ESR2: variants seen among roughly 807,000 people sequenced by gnomAD.
ESR2 encodes the protein estrogen receptor 2.
ESR2 carries 36 observed loss-of-function variants against 49.6 expected under a neutral mutation model. The ratio of observed to expected loss-of-function variants is 0.73; its 90% CI spans 0.56 to 0.96. The LOEUF is 0.96. Among genes scored for constraint, ESR2 ranks in the 40% least tolerant of loss-of-function variants. The pLI is 0.00. For synonymous variants in ESR2, 320 were observed against 266.1 expected (o/e 1.20, Z -1.97); for missense variants, 714 against 693.0 (o/e 1.03, Z -0.34).
At chr14:64,272,706 A>G (rs1280754200) in intron 3 of ESR2, among the ~76,000 whole-genome samples, 2 of 152,134 alleles carry the variant, frequency 1.3e-5, no homozygotes, top group Admixed American at 6.6e-5. Context: ...TGGGTTCTCT[A>G]TTCTGTTCCA....
chr14:64,317,654 T>C (rs2077273559), intron 1 of ESR2, among the ~76,000 whole-genome samples: 1 of 152,140 alleles, frequency 6.6e-6, no homozygotes, highest in South Asian at 2.1e-4. Flanking sequence ...TTGGGTAGCA[T>C]AAATATCCAA....
intron 7 of ESR2, among the ~76,000 whole-genome samples, chr14:64,240,254 G>C (rs1254306635): frequency 6.6e-6 from 1 of 152,242 alleles, no homozygotes; most frequent in Non-Finnish European, 1.5e-5. Flanking sequence ...CTATGCAGGA[G>C]ACCATCGTCA....
rs765985203 is a variant in ESR2, at chr14:64,234,987, G to A, written c.1389C>T (p.Ser463=). The change falls in exon 8 of 9, where the codon TCC becomes TCT. Residue 463 remains serine, a synonymous_variant. Transcript: ENST00000341099. ...MRLANLLMLL[S]HVRHASNKGM... ...GCGCGTACCTCGCATGCCTGACGTGGGACAGGAGCATCAGGAGGTTAGCCA... is the reference window on the plus strand; with the variant it reads ...GCGCGTACCTCGCATGCCTGACGTGAGACAGGAGCATCAGGAGGTTAGCCA... The A allele has an allele frequency of 3.1e-6, 5 of 1,614,162 alleles. No homozygotes were observed. The Admixed American group carries it at 5.0e-5, about 16-fold the overall frequency.
Position 64,231,624 on chromosome 14 carries a change from A to G in ESR2, c.*1513T>C, listed in dbSNP as rs1354588585. 6.6e-6 allele frequency: 1 copy of G among 152,254 alleles called. No homozygotes were observed. Among genetic ancestry groups the G allele is most frequent in the Non-Finnish European group, 1.5e-5 (1 of 68,044 alleles). The allele number at this position is 152,254 out of a possible 1,614,324, so 9.4% of individuals were successfully genotyped here. A position where few individuals can be genotyped will look rare whatever the true frequency, so the allele number is the denominator to read the frequency against. On this transcript the variant is annotated 3_prime_UTR_variant, in exon 9 of 9. Transcript: ENST00000341099. Reference sequence around the variant, plus strand: ...AACCAGTCTTGGTAACACTGAATGCAGTCTTCCTAATGACTTAGTAAATAC... The same window carrying G: ...AACCAGTCTTGGTAACACTGAATGCGGTCTTCCTAATGACTTAGTAAATAC...
intron 1 of ESR2, among the ~76,000 whole-genome samples, chr14:64,284,415 C>T (rs540262695): frequency 6.6e-6 from 1 of 152,156 alleles, no homozygotes; most frequent in East Asian, 1.9e-4. Context: ...CAATCTCTGC[C>T]TCCCAGGTTC....
intron 1 of ESR2, among the ~76,000 whole-genome samples, chr14:64,292,214 C>G (rs1397140499): frequency 1.3e-5 from 2 of 149,216 alleles, no homozygotes; most frequent in African/African-American, 2.5e-5. Flanking sequence ...AAGGGAAAAA[C>G]AGGTTTTTCT....
chr14:64,317,613 C>T (rs1156986919), intron 1 of ESR2, among the ~76,000 whole-genome samples: 8 of 152,162 alleles, frequency 5.3e-5, no homozygotes, highest in African/African-American at 1.9e-4. Context: ...GCCACACTTC[C>T]AACAATGGAG....
At chr14:64,251,100 C>T (rs61984379) in intron 6 of ESR2, among the ~76,000 whole-genome samples, 1 of 152,064 alleles carries the variant, frequency 6.6e-6, no homozygotes, top group African/African-American at 2.4e-5. Flanking sequence ...CTACAGGAAG[C>T]CTCATCTTTC....
chr14:64,238,218 A>T (rs2075647050), intron 7 of ESR2, among the ~76,000 whole-genome samples: 1 of 152,134 alleles, frequency 6.6e-6, no homozygotes, highest in South Asian at 2.1e-4. Context: ...CCAAGGCCAG[A>T]CCCTGGGCCT....
intron 1 of ESR2, among the ~76,000 whole-genome samples, chr14:64,290,323 G>A (rs560806758): frequency 1.3e-5 from 2 of 152,154 alleles, no homozygotes; most frequent in African/African-American, 4.8e-5. Flanking sequence ...CTCCCACCTC[G>A]GCCTCCCAAA....
intron 2 of ESR2, 34 bp downstream of exon 2, chr14:64,282,586 GGCTA>G: frequency 1.3e-6 from 2 of 1,543,180 alleles, no homozygotes; most frequent in Non-Finnish European, 8.8e-7. Context: ...TTTGAGAAAT[GGCTA>G]GCAACTATAA....
intron 4 of ESR2, among the ~76,000 whole-genome samples, chr14:64,265,831 G>A (rs976785041): frequency 6.6e-6 from 1 of 152,186 alleles, no homozygotes; most frequent in Non-Finnish European, 1.5e-5. Context: ...CAAAATAAAA[G>A]AAGCAGGATG....
chr14:64,291,531 A>G (rs1432452832), intron 1 of ESR2, among the ~76,000 whole-genome samples: 1 of 152,202 alleles, frequency 6.6e-6, no homozygotes, highest in African/African-American at 2.4e-5. Flanking sequence ...AAGGAAAAAG[A>G]CATCAATTTT....
At chr14:64,236,852 C>T (rs1034421772) in intron 7 of ESR2, among the ~76,000 whole-genome samples, 1 of 152,116 alleles carries the variant, frequency 6.6e-6, no homozygotes, top group African/African-American at 2.4e-5. Flanking sequence ...AGCAGAGACA[C>T]CATGTTGCCC....
At chr14:64,301,407 T>C (rs1410326947) in intron 1 of ESR2, 3 of 152,236 alleles carry the variant, frequency 2.0e-5, no homozygotes, top group East Asian at 1.9e-4. Flanking sequence ...CTGGGGTCTC[T>C]TCTGAATTAC....
chr14:64,312,289 G>A (rs980847585), intron 1 of ESR2, among the ~76,000 whole-genome samples: 12 of 151,994 alleles, frequency 7.9e-5, no homozygotes, highest in African/African-American at 2.7e-4. Flanking sequence ...ATGAAATTAG[G>A]AAAAAGAAAA....
chr14:64,331,291 G>A (rs1305130690), intron 1 of ESR2, among the ~76,000 whole-genome samples: 1 of 152,158 alleles, frequency 6.6e-6, no homozygotes, highest in African/African-American at 2.4e-5. Flanking sequence ...AACGATAAAA[G>A]GGGCAATTCA....
chr14:64,227,656 G>T (rs774433480), downstream of ESR2: 4 of 1,613,570 alleles, frequency 2.5e-6, no homozygotes, highest in South Asian at 4.4e-5. Flanking sequence ...GCAGTGAAAG[G>T]AAGTGTGGTC....
intron 1 of ESR2, among the ~76,000 whole-genome samples, chr14:64,310,574 C>A (rs994728054): frequency 6.6e-6 from 1 of 151,216 alleles, no homozygotes; most frequent in African/African-American, 2.4e-5. Context: ...CGGTTTCAAG[C>A]AATTCTCCTG....
Sources: gnomAD v4.1 joint callset for allele counts (sites outside exome capture counted in the v4.1 genomes callset) on GRCh38, gnomAD v4.1.1 for gene constraint, MANE v1.5 for transcripts, NCBI Gene and HGNC (gene_info 2026-07-23, HGNC 2026-07-21) for gene names.